The following TEX11 variants were observed in gnomAD, a reference collection of about 807,000 sequenced individuals.
TEX11 encodes the protein testis-expressed protein 11.
In TEX11, 7 loss-of-function variants were observed where a neutral mutation model predicts 84.4. The ratio of observed to expected loss-of-function variants is 0.08; its 90% confidence interval spans 0.05 to 0.16. The LOEUF is 0.16. TEX11 is among the 10% of genes least tolerant of loss of function. The pLI is 1.00. For missense variants in TEX11, 551 were observed against 660.5 expected (o/e 0.83, Z 1.82); for synonymous variants, 264 against 222.8 (o/e 1.18, Z -1.64).
intron 7 of TEX11, among the ~76,000 whole-genome samples, chrX:70,837,992 T>A (rs2091415395): frequency 8.9e-6 from 1 of 112,529 alleles, no homozygotes; most frequent in Admixed American, 9.4e-5. Context: ...TTCCTGGTTT[T>A]ATATTGCACT....
At chrX:70,706,444 C>T (rs771478917) in intron 13 of TEX11, among the ~76,000 whole-genome samples, 10 of 110,916 alleles carry the variant, frequency 9.0e-5, no homozygotes, top group Admixed American at 2.9e-4. Flanking sequence ...TACCCTAGAA[C>T]TTAAAGTATA....
At chrX:70,853,380 A>C in intron 5 of TEX11, 52 bp from the exon 6 acceptor site, 10 of 838,708 alleles carry the variant, frequency 1.2e-5, no homozygotes, top group Non-Finnish European at 1.7e-5. Flanking sequence ...CCTCCCCCAA[A>C]TTGGTGGGGG....
At position 70,838,026 on chromosome X, in the gene TEX11, T is replaced by G. The variant is rs191722336; in HGVS notation, c.526-4433A>C. Among the ~76,000 whole-genome samples the G allele has an allele frequency of 4.4e-5, 5 of 112,691 alleles. No homozygotes were observed. The Admixed American group carries it at 4.7e-4, about 11-fold the overall frequency. ...CTATATGTATGCAAGATTTTGCTACTGGCAAAAAGCTGGGTGAAGGGTACA... is the reference window on the plus strand; with the variant it reads ...CTATATGTATGCAAGATTTTGCTACGGGCAAAAAGCTGGGTGAAGGGTACA... On this transcript the variant is annotated intron_variant, in intron 7 of 29. Coordinates refer to ENST00000374333, the MANE Select transcript of TEX11 (RefSeq NM_031276.3).
At chrX:70,767,288 A>G (rs2090946616) in intron 9 of TEX11, among the ~76,000 whole-genome samples, 2 of 112,132 alleles carry the variant, frequency 1.8e-5, no homozygotes, top group South Asian at 7.5e-4. Flanking sequence ...TGATGATCCA[A>G]TCAAAAAATG....
At chrX:70,627,911 T>G (rs927631018) in intron 18 of TEX11, among the ~76,000 whole-genome samples, 4 of 111,500 alleles carry the variant, frequency 3.6e-5, no homozygotes, top group African/African-American at 1.3e-4. Flanking sequence ...TATCTCATAC[T>G]CCTCCCCTAT....
At chrX:70,817,129 A>G (rs921047249) in intron 8 of TEX11, among the ~76,000 whole-genome samples, 6 of 33,238 alleles carry the variant, frequency 1.8e-4, no homozygotes, top group Non-Finnish European at 3.3e-4. Context: ...TAGAAGATAG[A>G]TAGATAATAA....
chrX:70,810,253 G>C (rs952298897), intron 8 of TEX11, among the ~76,000 whole-genome samples: 2 of 111,862 alleles, frequency 1.8e-5, no homozygotes. Flanking sequence ...CAAAGATCTA[G>C]AACCAGAAAT....
chrX:70,722,522 G>T, intron 13 of TEX11, 96 bp downstream of exon 13: 1 of 653,333 alleles, frequency 1.5e-6, no homozygotes, highest in African/African-American at 2.2e-5. Context: ...GGATCCTCCC[G>T]CCTCAGCCTC....
rs1304078118 is a variant in TEX11 at position 70,589,037 on chromosome X, A to G, written c.2140+2714T>C. 2.7e-5 allele frequency among the ~76,000 whole-genome samples: 3 copies of G among 110,972 alleles called. No individual in the cohort carries two copies. In the Middle Eastern group the frequency reaches 0.014, roughly 519 times the overall value. ...TGGAGAAAGGGGGAATGGGGAAATTATTCTTTAATGGATACAGAGTTTCTG... is the reference window on the plus strand; with the variant it reads ...TGGAGAAAGGGGGAATGGGGAAATTGTTCTTTAATGGATACAGAGTTTCTG... On this transcript the variant is annotated intron_variant, in intron 25 of 29. Transcript: ENST00000374333.
chrX:70,790,112 G>T lies in TEX11; in HGVS notation c.692+16593C>A, dbSNP rs184303537. 2.3e-3 allele frequency among the ~76,000 whole-genome samples: 262 copies of T among 111,905 alleles called. 3 individuals carry two copies. The highest frequency in any genetic ancestry group is 7.9e-3 in the African/African-American group (242 of 30,792). ...TCGTACAAGCACAGAGTAGAATGGT[G>T]GTTACAGAGACAGAGCTGTGGAGAG... is the stretch of plus-strand genomic sequence containing the variant. On this transcript the variant is annotated intron_variant, in intron 9 of 29. Coordinates refer to ENST00000374333, the MANE Select transcript of TEX11 (RefSeq NM_031276.3).
At chrX:70,809,639 T>A (rs1283809152) in intron 8 of TEX11, among the ~76,000 whole-genome samples, 1 of 111,807 alleles carries the variant, frequency 8.9e-6, no homozygotes, top group Non-Finnish European at 1.9e-5. Flanking sequence ...AGCTGTTACG[T>A]GAGATAAAAA....
chrX:70,591,771 T>C lies in TEX11; in HGVS notation c.2120A>G (p.His707Arg), dbSNP rs756666108. The C allele has an allele frequency of 1.7e-6, 2 of 1,209,542 alleles. No individual in the cohort carries two copies. Among genetic ancestry groups the C allele is most frequent in the South Asian group, 3.5e-5 (2 of 56,641 alleles). ...LEEIQTCNDI[H>R]NFLKQTGTFS... Reference sequence around the variant, plus strand: ...TGTACCTGTTTGTTTCAGGAAATTATGGATGTCATTGCATGTCTGGATCTC... The same window carrying C: ...TGTACCTGTTTGTTTCAGGAAATTACGGATGTCATTGCATGTCTGGATCTC... The change falls in exon 25 of 30, where the codon CAT becomes CGT. Residue 707 changes from histidine to arginine, a missense_variant. His to Arg is a conservative substitution (Grantham distance 29, BLOSUM62 0). Coordinates refer to ENST00000374333, the MANE Select transcript of TEX11 (RefSeq NM_031276.3).
At chrX:70,566,426 A>G (rs1463918086) in intron 25 of TEX11, among the ~76,000 whole-genome samples, 2 of 108,974 alleles carry the variant, frequency 1.8e-5, no homozygotes, top group Non-Finnish European at 3.8e-5. Context: ...CCCTGGCCAG[A>G]ACTTCCAACA....
chrX:70,683,274 C>T (rs2090161187), intron 13 of TEX11, among the ~76,000 whole-genome samples: 1 of 112,075 alleles, frequency 8.9e-6, no homozygotes, highest in African/African-American at 3.2e-5. Context: ...GGTTGGAAGA[C>T]TAAATATTGT....
chrX:70,533,474 A>T (rs2087914982), intron 28 of TEX11, among the ~76,000 whole-genome samples: 1 of 111,937 alleles, frequency 8.9e-6, no homozygotes, highest in African/African-American at 3.2e-5. Flanking sequence ...AGAATATTGG[A>T]AATGTTCATA....
chrX:70,664,312 G>T (rs1403755380), intron 16 of TEX11, among the ~76,000 whole-genome samples: 2 of 111,400 alleles, frequency 1.8e-5, no homozygotes, highest in African/African-American at 6.5e-5. Flanking sequence ...TATCTACTTT[G>T]TTCTTGTACA....
At chrX:70,649,836 C>T (rs2089791423) in intron 17 of TEX11, among the ~76,000 whole-genome samples, 1 of 111,501 alleles carries the variant, frequency 9.0e-6, no homozygotes. Context: ...CCTTTATTCA[C>T]AATTGTCAAA....
intron 24 of TEX11, among the ~76,000 whole-genome samples, chrX:70,598,504 C>A (rs996382854): frequency 6.3e-5 from 7 of 111,597 alleles, no homozygotes; most frequent in African/African-American, 2.0e-4. Flanking sequence ...CAATACCAAT[C>A]CTAGGTATAT....
In TEX11 at chrX:70,690,512, G is replaced by A. The variant is rs1334034704; in HGVS notation, c.1005-7687C>T. On this transcript the variant is annotated intron_variant, in intron 13 of 29. Coordinates refer to ENST00000374333, the MANE Select transcript of TEX11 (RefSeq NM_031276.3). ...GTTCGGGACGAGCCTGGGCAACATA[G>A]TAAGACACCCTGTCTCTACAAAAAA... 3.6e-5 allele frequency among the ~76,000 whole-genome samples: 4 copies of A among 111,299 alleles called. No homozygotes were observed. The South Asian group carries it at 1.5e-3, about 42-fold the overall frequency.
Sources: allele counts gnomAD v4.1 joint callset (sites outside exome capture counted in the v4.1 genomes callset), GRCh38; gene constraint gnomAD v4.1.1; transcripts MANE v1.5; gene names NCBI Gene and HGNC (gene_info 2026-07-23, HGNC 2026-07-21).